The following NOS1 variants were observed in gnomAD, a reference collection of about 807,000 sequenced individuals.
The protein encoded by NOS1 is NOS type I.
NOS1 carries 51 observed loss-of-function variants against 164.5 expected under a neutral mutation model. The observed-to-expected ratio is 0.31, with a 90% confidence interval of 0.25 to 0.39. The LOEUF (loss-of-function observed/expected upper bound fraction) is 0.39. Ranked by LOEUF, NOS1 falls within the 10% of genes least tolerant of loss-of-function variation. The probability of loss-of-function intolerance (pLI) is 1.00; values close to 1 mark genes in which losing one functional copy is unlikely to be tolerated. For synonymous variants in NOS1, 719 were observed against 745.8 expected (o/e 0.96, Z 0.59); for missense variants, 1,362 against 1,885.6 (o/e 0.72, Z 5.14).
At chr12:117,273,989 G>A (rs1329436442) in intron 9 of NOS1, among the ~76,000 whole-genome samples, 6 of 152,204 alleles carry the variant, frequency 3.9e-5, no homozygotes, top group East Asian at 3.9e-4. Context: ...ACTAACAAAC[G>A]TCTGCAGAGC....
Position 117,261,944 on chromosome 12 carries a change from G to T in NOS1, c.2223-1335C>A, listed in dbSNP as rs192730899. Among the ~76,000 whole-genome samples, 310 of 152,260 alleles carry T rather than the reference G, an allele frequency of 2.0e-3. 2 individuals are homozygous for T. Among genetic ancestry groups the T allele is most frequent in the African/African-American group, 7.0e-3 (291 of 41,552 alleles). ...CTACTGGGCAGGGCGAGTTCCAGGGGCACTAGCAGACAGGCCAGAGGCTCA... is the reference window on the plus strand; with the variant it reads ...CTACTGGGCAGGGCGAGTTCCAGGGTCACTAGCAGACAGGCCAGAGGCTCA... On this transcript the variant is annotated intron_variant, in intron 13 of 28. Coordinates refer to ENST00000317775, the MANE Select transcript of NOS1 (RefSeq NM_000620.5).
intron 16 of NOS1, among the ~76,000 whole-genome samples, chr12:117,256,282 C>CTTTTTTTT (rs1566042530): frequency 5.2e-5 from 4 of 76,792 alleles, no homozygotes; most frequent in African/African-American, 1.1e-4. Flanking sequence ...AAGGGATTTT[C>CTTTTTTTT]TGTTTTTTTT....
At position 117,243,763 on chromosome 12, in the gene NOS1, TCCAC is replaced by T. The variant is rs1282655437; in HGVS notation, c.2824-332_2824-329del. 5.9e-5 allele frequency among the ~76,000 whole-genome samples: 9 copies of T among 151,466 alleles called. No individual in the cohort carries two copies. Among genetic ancestry groups the T allele is most frequent in the Non-Finnish European group, 1.5e-5 (1 of 67,854 alleles). ...ATCCATCCATCCATCCACCCATCCA[TCCAC>T]CCACCCACCCATCCATCTTTCCATG... On this transcript the variant is annotated intron_variant, in intron 18 of 28. Coordinates refer to ENST00000317775, the MANE Select transcript of NOS1 (RefSeq NM_000620.5). The surrounding 1 kb of genome is among the most constrained non-coding windows in gnomAD (Gnocchi z 4.3).
chr12:117,295,615 CTTTTTT>C (rs33913257), intron 3 of NOS1, among the ~76,000 whole-genome samples: 2 of 105,112 alleles, frequency 1.9e-5, no homozygotes, highest in South Asian at 6.9e-4. Context: ...CCTGATCATT[CTTTTTT>C]TTTTTTTTTT....
At chr12:117,281,076 G>A (rs965665285) in intron 7 of NOS1, among the ~76,000 whole-genome samples, 1 of 152,208 alleles carries the variant, frequency 6.6e-6, no homozygotes, top group African/African-American at 2.4e-5. Context: ...GAAAACGGTG[G>A]AGGGGGTGGG....
rs769060820 is a variant in NOS1 at position 117,330,466 on chromosome 12, T to C, written c.604A>G (p.Asn202Asp). Residue 202 changes from asparagine to aspartate, a missense_variant, in exon 2 of 29, where the codon AAC (asparagine) becomes GAC (aspartate). Asn to Asp is a conservative substitution (Grantham distance 23). This residue lies in a region of NOS1 where 362 missense variants were observed against 402.0 expected (regional missense o/e 0.90). Coordinates refer to ENST00000317775, the MANE Select transcript of NOS1 (RefSeq NM_000620.5). This position sits in a 1 kb window ranked among gnomAD's most constrained non-coding sequence, Gnocchi z 4.6. ...TCTATCTCCTTGAGCAGTTCATTGT[T>C]CTCCCCTCTGCCTTGGAGGCTGACT... is the stretch of plus-strand genomic sequence containing the variant. ...TRVSLQGRGE[N>D]NELLKEIEPV... The C allele has an allele frequency of 2.5e-6, 4 of 1,614,188 alleles. No homozygotes were observed. The East Asian group carries it at 8.9e-5, about 36-fold the overall frequency.
At chr12:117,347,182 G>C (rs1250853153) in intron 1 of NOS1, among the ~76,000 whole-genome samples, 1 of 152,042 alleles carries the variant, frequency 6.6e-6, no homozygotes, top group Non-Finnish European at 1.5e-5. Context: ...AGCTGCTTGG[G>C]AGTCTGAGGC....
chr12:117,223,798 A>ATG (rs1868404993), intron 25 of NOS1, among the ~76,000 whole-genome samples: 1 of 151,584 alleles, frequency 6.6e-6, no homozygotes, highest in East Asian at 2.0e-4. Flanking sequence ...TGGATTACAG[A>ATG]TGTGTGCCAC....
chr12:117,272,589 C>G lies in NOS1; in HGVS notation c.1665-30G>C. 6.2e-7 allele frequency: 1 copy of G among 1,602,330 alleles called. No homozygotes were observed. Among genetic ancestry groups the G allele is most frequent in the South Asian group, 1.1e-5 (1 of 90,186 alleles). On this transcript the variant is annotated intron_variant, in intron 9 of 28. Coordinates refer to ENST00000317775, the MANE Select transcript of NOS1 (RefSeq NM_000620.5). This position sits in a 1 kb window ranked among gnomAD's most constrained non-coding sequence, Gnocchi z 4.3. Reference sequence around the variant, plus strand: ...AGGGAGCAACAGGGCCCAGCTCACCCGGAGCAGGTGTCTCATGGGCGGGAC... The same window carrying G: ...AGGGAGCAACAGGGCCCAGCTCACCGGGAGCAGGTGTCTCATGGGCGGGAC...
chr12:117,287,092 G>A (rs550652950), intron 5 of NOS1, among the ~76,000 whole-genome samples: 48 of 152,108 alleles, frequency 3.2e-4, no homozygotes, highest in African/African-American at 1.0e-3. Context: ...GTGCGTGCCC[G>A]TAATCCCAGC....
intron 2 of NOS1, among the ~76,000 whole-genome samples, chr12:117,329,730 C>T (rs1482145513): frequency 1.3e-5 from 2 of 152,090 alleles, no homozygotes; most frequent in South Asian, 2.1e-4. Context: ...AGTTCTAGTC[C>T]CAGCTCCCAC....
chr12:117,293,092 T>C (rs532811558), intron 3 of NOS1, among the ~76,000 whole-genome samples: 95 of 152,312 alleles, frequency 6.2e-4, no homozygotes, highest in African/African-American at 2.2e-3. Context: ...AGAACTATCA[T>C]GGCCACCTTT....
chr12:117,278,268 C>T (rs1338470924), intron 8 of NOS1, among the ~76,000 whole-genome samples, 170 bp from the exon 9 acceptor site: 1 of 152,238 alleles, frequency 6.6e-6, no homozygotes, highest in African/African-American at 2.4e-5. Context: ...TTCTCCCTGA[C>T]ATCACCATGT....
intron 2 of NOS1, among the ~76,000 whole-genome samples, chr12:117,322,493 T>C (rs1364266594): frequency 7.0e-5 from 7 of 99,724 alleles, no homozygotes; most frequent in African/African-American, 1.2e-4. Flanking sequence ...TCCTTTCCTC[T>C]CTCCTTCTTC....
chr12:117,240,690 T>C (rs1870091371), intron 20 of NOS1, among the ~76,000 whole-genome samples: 1 of 152,230 alleles, frequency 6.6e-6, no homozygotes, highest in African/African-American at 2.4e-5. Context: ...AGCACAGTGC[T>C]TGGAACACAG....
At chr12:117,297,863 C>G (rs1873530748) in intron 3 of NOS1, among the ~76,000 whole-genome samples, 1 of 152,012 alleles carries the variant, frequency 6.6e-6, no homozygotes, top group African/African-American at 2.4e-5. Context: ...CTGTCACGAG[C>G]CTCACAGTGA....
At chr12:117,301,362 A>C (rs1029763886) in intron 3 of NOS1, among the ~76,000 whole-genome samples, 1 of 152,132 alleles carries the variant, frequency 6.6e-6, no homozygotes, top group Non-Finnish European at 1.5e-5. Flanking sequence ...TTCCCGACCT[A>C]AAGTGTTCCA....
intron 20 of NOS1, among the ~76,000 whole-genome samples, chr12:117,237,379 C>G (rs1869799133): frequency 6.6e-6 from 1 of 150,820 alleles, no homozygotes; most frequent in African/African-American, 2.4e-5. Context: ...TGATCCACCG[C>G]CTCAACCTCC....
At chr12:117,294,037 CTGAT>C (rs2136030961) in intron 3 of NOS1, among the ~76,000 whole-genome samples, 1 of 152,302 alleles carries the variant, frequency 6.6e-6, no homozygotes, top group African/African-American at 2.4e-5. Context: ...ACACATCCCT[CTGAT>C]TGTGCCCACA....
Sources: allele counts gnomAD v4.1 joint callset (sites outside exome capture counted in the v4.1 genomes callset), GRCh38; gene constraint gnomAD v4.1.1; regional missense constraint gnomAD v4.1.1; non-coding constraint Gnocchi (gnomAD v3.1); transcripts MANE v1.5; gene names NCBI Gene and HGNC (gene_info 2026-07-23, HGNC 2026-07-21).